Variants in SLC43A2 observed in about 807,000 individuals in gnomAD.
SLC43A2 encodes large neutral amino acids transporter small subunit 4.
SLC43A2 carries 38 observed loss-of-function variants against 63.2 expected under a neutral mutation model. The ratio of observed to expected loss-of-function variants is 0.60; its 90% CI spans 0.46 to 0.79. The LOEUF is 0.79. Among genes scored for constraint, SLC43A2 ranks in the 30% least tolerant of loss-of-function variants. The pLI, the probability that SLC43A2 is intolerant of heterozygous loss-of-function variation, is 0.00. For missense variants in SLC43A2, 644 were observed against 756.2 expected (o/e 0.85, Z 1.74); for synonymous variants, 322 against 331.0 (o/e 0.97, Z 0.30).
At chr17:1,623,558 C>A (rs577744436) in intron 2 of SLC43A2, among the ~76,000 whole-genome samples, 2 of 152,186 alleles carry the variant, frequency 1.3e-5, no homozygotes, top group Admixed American at 6.5e-5. Flanking sequence ...TCAGTTTCCC[C>A]GAATGGCCTC....
rs745538583 is a variant in SLC43A2 at position 1,583,307 on chromosome 17, C to T, written c.1247G>A (p.Arg416Gln). 6 of 1,614,034 alleles carry T rather than the reference C, an allele frequency of 3.7e-6. No individual in the cohort carries two copies. The highest frequency in any genetic ancestry group is 4.5e-5 in the East Asian group (2 of 44,884). The change falls in exon 11 of 14, where the codon CGG becomes CAG. Residue 416 changes from arginine (R) to glutamine (Q), a missense_variant. Transcript: ENST00000301335. This position sits in a 1 kb window ranked among gnomAD's most constrained non-coding sequence, Gnocchi z 5.5. ...GGCATTAGTGATCTTCTGGATCTGC[C>T]GGTCCCGCTTCTTCTTTTTCTTCTC... ...QGEKKKKKRD[R>Q]QIQKITNAMR...
At chr17:1,591,823 A>G (rs994852685) in intron 6 of SLC43A2, 124 bp from the exon 7 acceptor site, 3 of 740,256 alleles carry the variant, frequency 4.1e-6, no homozygotes, top group Admixed American at 5.7e-5. Flanking sequence ...CCGCGCAAAG[A>G]GGCACAGCCC....
At chr17:1,602,138 G>A (rs1906109197) in intron 5 of SLC43A2, among the ~76,000 whole-genome samples, 2 of 152,166 alleles carry the variant, frequency 1.3e-5, no homozygotes, top group Admixed American at 1.3e-4. Flanking sequence ...TGCACAAGCG[G>A]CAGGGGGCTG....
At chr17:1,591,167 G>T in intron 8 of SLC43A2, 102 bp downstream of exon 8, 2 of 1,448,888 alleles carry the variant, frequency 1.4e-6, no homozygotes, top group African/African-American at 1.4e-5. Flanking sequence ...AGAACAGGGC[G>T]GGCGGGGCCG....
intron 9 of SLC43A2, chr17:1,586,928 T>TGCG: frequency 1.9e-5 from 23 of 1,232,864 alleles, no homozygotes; most frequent in Non-Finnish European, 2.5e-5. Flanking sequence ...TCCCTGACAA[T>TGCG]CCCCCCCACC....
intron 11 of SLC43A2, among the ~76,000 whole-genome samples, chr17:1,580,992 C>T (rs1186873743): frequency 1.3e-5 from 2 of 152,090 alleles, no homozygotes; most frequent in Non-Finnish European, 2.9e-5. Flanking sequence ...AGGCCCCCTG[C>T]CCAGGAAGGC....
chr17:1,592,012 C>T (rs980821516), intron 6 of SLC43A2, among the ~76,000 whole-genome samples: 55 of 152,334 alleles, frequency 3.6e-4, no homozygotes, highest in African/African-American at 1.3e-3. Flanking sequence ...GCAGAGGGGA[C>T]GGTGCTCCTG....
chr17:1,590,807 T>A lies in SLC43A2; in HGVS notation c.1073A>T (p.Lys358Met). The A allele has an allele frequency of 6.4e-7, 1 of 1,554,542 alleles. No individual in the cohort carries two copies. The highest frequency in any genetic ancestry group is 8.7e-7 in the Non-Finnish European group (1 of 1,148,598). ...AGGCTGCCCGGGGCACCTACCTGTC[T>A]TCTGGTCGCCGCTGACCAGGAACTT... ...ILKFLVSGDQ[K>M]TVGLYTSIFG... Residue 358 changes from lysine (K) to methionine (M), a missense_variant, in exon 9 of 14, where the codon AAG (lysine) becomes ATG (methionine). Transcript: ENST00000301335.
At position 1,577,481 on chromosome 17, in the gene SLC43A2, G is replaced by A. The variant is rs1260664175; in HGVS notation, c.1425-761C>T. Among the ~76,000 whole-genome samples the A allele has an allele frequency of 1.3e-5, 2 of 152,200 alleles. No individual in the cohort carries two copies. Among genetic ancestry groups the A allele is most frequent in the Admixed American group, 6.5e-5 (1 of 15,282 alleles). On this transcript the variant is annotated intron_variant, in intron 12 of 13. Coordinates refer to ENST00000301335, the MANE Select transcript of SLC43A2 (RefSeq NM_152346.3). This position sits in a 1 kb window ranked among gnomAD's most constrained non-coding sequence, Gnocchi z 4.9. ...CCTCCAGGCCTGGGGAGGGGCAGGC[G>A]GAGGGCAAGCGGAGCTGGGATTACC...
chr17:1,591,049 G>T, intron 8 of SLC43A2, 101 bp from the exon 9 acceptor site: 1 of 1,377,212 alleles, frequency 7.3e-7, no homozygotes, highest in Non-Finnish European at 9.9e-7. Flanking sequence ...GGGGGCCCTC[G>T]GGACGGGCCT....
chr17:1,600,313 G>A (rs1012695629), intron 5 of SLC43A2, among the ~76,000 whole-genome samples: 1 of 144,732 alleles, frequency 6.9e-6, no homozygotes, highest in Non-Finnish European at 1.5e-5. Context: ...ACGACGCCTG[G>A]CTAATTTTTG....
chr17:1,570,606 C>CG lies in SLC43A2; in HGVS notation c.*4997_*4998insC, dbSNP rs2075833458. On this transcript the variant is annotated 3_prime_UTR_variant, in exon 14 of 14. Coordinates refer to ENST00000301335, the MANE Select transcript of SLC43A2 (RefSeq NM_152346.3). ...GGTTCACACCATTCTCCTGCCTCAGCCTCCCAAGTAGCTGGGACTACAGGC... is the reference window on the plus strand; with the variant it reads ...GGTTCACACCATTCTCCTGCCTCAGCGCTCCCAAGTAGCTGGGACTACAGGC... 6.7e-6 allele frequency: 1 copy of CG among 149,876 alleles called. No individual in the cohort carries two copies. The highest frequency in any genetic ancestry group is 2.0e-4 in the East Asian group (1 of 5,090). The allele number at this position is 149,876 out of a possible 1,614,324, so 9.3% of individuals were successfully genotyped here.
chr17:1,586,566 G>T lies in SLC43A2; in HGVS notation c.1079-515C>A, dbSNP rs534497239. On this transcript the variant is annotated intron_variant, in intron 9 of 13. Coordinates refer to ENST00000301335, the MANE Select transcript of SLC43A2 (RefSeq NM_152346.3). Reference sequence around the variant, plus strand: ...AAAAACTAGCTGGGCGTGGTGGCAGGCACCTGTAACCCCAGCTACTCAGGA... The same window carrying T: ...AAAAACTAGCTGGGCGTGGTGGCAGTCACCTGTAACCCCAGCTACTCAGGA... 6.2e-4 allele frequency among the ~76,000 whole-genome samples: 95 copies of T among 152,038 alleles called. 1 individual carries two copies. Among genetic ancestry groups the T allele is most frequent in the Admixed American group, 1.2e-3 (18 of 15,240 alleles).
intron 10 of SLC43A2, among the ~76,000 whole-genome samples, chr17:1,584,212 C>T (rs896601248): frequency 3.3e-5 from 5 of 152,114 alleles, no homozygotes; most frequent in Middle Eastern, 3.4e-3. Flanking sequence ...CTGCAATTAT[C>T]TCTCGTGAAT....
At chr17:1,623,586 C>T (rs1378217548) in intron 2 of SLC43A2, among the ~76,000 whole-genome samples, 3 of 152,044 alleles carry the variant, frequency 2.0e-5, no homozygotes, top group Non-Finnish European at 2.9e-5. Context: ...CTGCAGCCCC[C>T]GCCCCTTCCC....
chr17:1,579,401 C>T (rs1364819375), intron 11 of SLC43A2, among the ~76,000 whole-genome samples: 3 of 150,102 alleles, frequency 2.0e-5, no homozygotes, highest in African/African-American at 4.9e-5. Flanking sequence ...GCGGAGGTTG[C>T]GGTGAGCCGA....
Position 1,608,800 on chromosome 17 carries a change from T to C in SLC43A2, c.501+4395A>G, listed in dbSNP as rs528262399. Among the ~76,000 whole-genome samples, 59 of 152,232 alleles carry C rather than the reference T, an allele frequency of 3.9e-4. 1 individual carries two copies. Among genetic ancestry groups the C allele is most frequent in the South Asian group, 3.5e-3 (17 of 4,826 alleles). ...TGAGCAGCACCTACACACGCTTTGT[T>C]GGCATGGAATTTCAAGGGTGTGCAC... On this transcript the variant is annotated intron_variant, in intron 5 of 13. Coordinates refer to ENST00000301335, the MANE Select transcript of SLC43A2 (RefSeq NM_152346.3).
chr17:1,591,500 G>A (rs1476184791), intron 7 of SLC43A2, 29 bp from the exon 8 acceptor site: 3 of 1,612,088 alleles, frequency 1.9e-6, no homozygotes, highest in East Asian at 2.2e-5. Flanking sequence ...GTCTGTGGGT[G>A]CTGCCCGGGA....
At chr17:1,610,030 C>T (rs1184990773) in intron 5 of SLC43A2, among the ~76,000 whole-genome samples, 2 of 152,096 alleles carry the variant, frequency 1.3e-5, no homozygotes, top group Non-Finnish European at 2.9e-5. Flanking sequence ...CTGCCTCAGT[C>T]TCCCAAGTAG....
Sources: gnomAD v4.1 joint callset for allele counts (sites outside exome capture counted in the v4.1 genomes callset) on GRCh38, gnomAD v4.1.1 for gene constraint, Gnocchi (gnomAD v3.1) non-coding constraint, MANE v1.5 for transcripts, NCBI Gene and HGNC (gene_info 2026-07-23, HGNC 2026-07-21) for gene names.